Variants in TXNRD1 observed in about 807,000 individuals in gnomAD.
TXNRD1 encodes thioredoxin reductase 1, cytoplasmic.
Under a neutral mutation model 80.3 loss-of-function variants are expected in TXNRD1, and 57 were observed. The observed-to-expected ratio is 0.71, with a 90% confidence interval of 0.57 to 0.89. The LOEUF (loss-of-function observed/expected upper bound fraction) is 0.89. Ranked by LOEUF, TXNRD1 falls within the 40% of genes least tolerant of loss-of-function variation. TXNRD1 has a pLI of 0.00. For missense variants in TXNRD1, 730 were observed against 803.0 expected (o/e 0.91, Z 1.10); for synonymous variants, 291 against 285.2 (o/e 1.02, Z -0.20).
rs1251776449 is a variant in TXNRD1 at position 104,303,800 on chromosome 12, T to C, written c.415-7490T>C. On this transcript the variant is annotated intron_variant, in intron 4 of 16. Transcript: ENST00000525566. ...TCCACACGCTGGGAGGGCCGTTACC[T>C]CAGAGATACCCGTGGCCGGCATGTT... The C allele has an allele frequency of 2.2e-6, 3 of 1,364,978 alleles. No individual in the cohort carries two copies. The African/African-American group carries it at 4.4e-5, about 20-fold the overall frequency. 84.6% of individuals were successfully genotyped at this position (1,364,978 alleles called of 1,614,324 possible).
intron 3 of TXNRD1, among the ~76,000 whole-genome samples, chr12:104,275,243 A>C (rs556977834): frequency 6.6e-6 from 1 of 150,812 alleles, no homozygotes; most frequent in South Asian, 2.1e-4. Flanking sequence ...GCACCATTGC[A>C]CTCCAGCCTG....
At position 104,319,483 on chromosome 12, in the gene TXNRD1, A is replaced by G; in HGVS notation, c.887A>G (p.Lys296Arg). 1 of 1,583,490 alleles carries G rather than the reference A, an allele frequency of 6.3e-7. No homozygotes were observed. Among genetic ancestry groups the G allele is most frequent in the Non-Finnish European group, 8.6e-7 (1 of 1,164,136 alleles). Residue 296 changes from lysine to arginine, a missense_variant, in exon 9 of 17, where the codon AAA becomes AGA. Physicochemically the swap from Lys to Arg is conservative, Grantham distance 26 (BLOSUM62 2). Transcript: ENST00000525566. ...GPHRIKATNNKGKEKIYSAER... is the reference protein window; with the variant it reads ...GPHRIKATNNRGKEKIYSAER... The stretch of plus-strand genomic sequence containing the variant: ...GTTCCTTTGTAGGCAACAAATAATA[A>G]AGGCAAAGAAAAAATTTATTCAGCA...
At chr12:104,327,882 C>CG (rs1329842562) in intron 13 of TXNRD1, among the ~76,000 whole-genome samples, 4 of 151,584 alleles carry the variant, frequency 2.6e-5, no homozygotes, top group African/African-American at 4.9e-5. Flanking sequence ...GACACTCCGC[C>CG]GGGCACAGTG....
chr12:104,228,938 C>T (rs1357265813), intron 1 of TXNRD1, among the ~76,000 whole-genome samples: 1 of 151,830 alleles, frequency 6.6e-6, no homozygotes, highest in Non-Finnish European at 1.5e-5. Context: ...CCAGGCTGGT[C>T]TCGATCTCCT....
At chr12:104,297,003 T>C (rs1261876939) in intron 4 of TXNRD1, among the ~76,000 whole-genome samples, 3 of 152,162 alleles carry the variant, frequency 2.0e-5, no homozygotes, top group African/African-American at 7.2e-5. Flanking sequence ...AATGTACTTA[T>C]TTAAAAATTC....
intron 3 of TXNRD1, among the ~76,000 whole-genome samples, chr12:104,270,866 T>C (rs903902968): frequency 6.6e-6 from 1 of 152,064 alleles, no homozygotes; most frequent in Non-Finnish European, 1.5e-5. Flanking sequence ...AAAGATTAAC[T>C]AGCCGGGTGT....
intron 15 of TXNRD1, 56 bp from the exon 16 acceptor site, chr12:104,339,083 A>T: frequency 6.2e-7 from 1 of 1,602,828 alleles, no homozygotes; most frequent in East Asian, 2.2e-5. Flanking sequence ...GCTGTGTAGG[A>T]AGAGGAGGGG....
intron 16 of TXNRD1, chr12:104,346,122 C>T: frequency 1.7e-6 from 1 of 589,632 alleles, no homozygotes; most frequent in South Asian, 1.5e-5. Flanking sequence ...AAGCGATGTT[C>T]CTGCCTCAGT....
At chr12:104,342,380 A>G (rs1044117599) in intron 16 of TXNRD1, among the ~76,000 whole-genome samples, 1 of 152,182 alleles carries the variant, frequency 6.6e-6, no homozygotes, top group Non-Finnish European at 1.5e-5. Flanking sequence ...TCACTCGGGA[A>G]ATTCCAAGGG....
intron 16 of TXNRD1, among the ~76,000 whole-genome samples, chr12:104,343,642 T>C (rs2036397251): frequency 6.6e-6 from 1 of 150,656 alleles, no homozygotes; most frequent in Non-Finnish European, 1.5e-5. Context: ...CTACCAAAAA[T>C]AACAAAAAAA....
At position 104,349,343 on chromosome 12, in the gene TXNRD1, A is replaced by G. The variant is rs1477445690; in HGVS notation, c.*922A>G. The G allele has an allele frequency of 1.3e-5, 2 of 152,490 alleles. No homozygotes were observed. The highest frequency in any genetic ancestry group is 4.8e-5 in the African/African-American group (2 of 41,472). The allele number at this position is 152,490 out of a possible 1,614,324, so 9.4% of individuals were successfully genotyped here. A position where few individuals can be genotyped will look rare whatever the true frequency, so the allele number is the denominator to read the frequency against. ...TGGTAGCTTTAGCTTTATGCTAAAA[A>G]AAATAATGACATTGGGTATCTATTT... On this transcript the variant is annotated 3_prime_UTR_variant, in exon 17 of 17. Coordinates refer to ENST00000525566, the MANE Select transcript of TXNRD1 (RefSeq NM_001093771.3).
intron 1 of TXNRD1, among the ~76,000 whole-genome samples, chr12:104,227,317 A>G (rs186762032): frequency 1.3e-5 from 2 of 152,124 alleles, no homozygotes; most frequent in East Asian, 3.9e-4. Context: ...GCTCAAGTGC[A>G]ATGGTGTAAT....
chr12:104,289,660 T>C (rs557128057), intron 4 of TXNRD1: 2 of 152,302 alleles, frequency 1.3e-5, no homozygotes, highest in African/African-American at 4.8e-5. Flanking sequence ...TGAGGAGTTA[T>C]AGCCACTGAG....
chr12:104,300,582 C>A (rs2034588063), intron 4 of TXNRD1, among the ~76,000 whole-genome samples: 1 of 152,190 alleles, frequency 6.6e-6, no homozygotes, highest in African/African-American at 2.4e-5. Flanking sequence ...GATTAACCGG[C>A]ATGGAAATCC....
At chr12:104,317,616 G>A (rs546313499) in intron 7 of TXNRD1, among the ~76,000 whole-genome samples, 2 of 152,264 alleles carry the variant, frequency 1.3e-5, no homozygotes, top group South Asian at 4.1e-4. Context: ...AAGGGGAAAG[G>A]ATCAGTTTGA....
intron 15 of TXNRD1, among the ~76,000 whole-genome samples, chr12:104,336,449 G>A (rs1266886454): frequency 6.6e-6 from 1 of 152,090 alleles, no homozygotes; most frequent in South Asian, 2.1e-4. Flanking sequence ...ACTATCCCTG[G>A]GGCGTGCTTT....
chr12:104,255,442 C>G (rs1326769178), intron 2 of TXNRD1, among the ~76,000 whole-genome samples: 2 of 152,106 alleles, frequency 1.3e-5, no homozygotes, highest in Admixed American at 1.3e-4. Flanking sequence ...TTAATTAAAA[C>G]TAGCCTGGGA....
intron 3 of TXNRD1, chr12:104,265,281 G>A (rs1288209684): frequency 4.5e-6 from 7 of 1,557,096 alleles, no homozygotes; most frequent in South Asian, 1.2e-5. Flanking sequence ...TTCCTTTTGC[G>A]GGTGGCGGCG....
intron 1 of TXNRD1, among the ~76,000 whole-genome samples, chr12:104,225,921 C>T (rs4592489): frequency 0.73 from 109,988 of 151,512 alleles, 40,140 homozygotes; most frequent in Non-Finnish European, 0.77. Flanking sequence ...GAGCTTATGC[C>T]GGGCACAGTG....
Sources: gnomAD v4.1 joint callset for allele counts (sites outside exome capture counted in the v4.1 genomes callset) on GRCh38, gnomAD v4.1.1 for gene constraint, MANE v1.5 for transcripts, NCBI Gene and HGNC (gene_info 2026-07-23, HGNC 2026-07-21) for gene names.